BAALC: variants seen among roughly 807,000 people sequenced by gnomAD.
BAALC encodes the protein brain and acute leukemia cytoplasmic protein.
BAALC carries 9 observed loss-of-function variants against 15.5 expected under a neutral mutation model. The observed-to-expected ratio is 0.58, with a 90% CI of 0.35 to 1.02. The LOEUF is 1.02. BAALC is among the 50% of genes least tolerant of loss of function. The pLI, the probability that BAALC is intolerant of heterozygous loss-of-function variation, is 0.02. For missense variants in BAALC, 201 were observed against 192.4 expected (o/e 1.04, Z -0.27); for synonymous variants, 80 against 74.6 (o/e 1.07, Z -0.37).
chr8:103,225,375 G>T (rs1812782289), intron 2 of BAALC, among the ~76,000 whole-genome samples: 1 of 152,306 alleles, frequency 6.6e-6, no homozygotes, highest in Non-Finnish European at 1.5e-5. Flanking sequence ...ATCCTTAAAT[G>T]TTCCTCAAAT....
chr8:103,209,043 A>G lies in BAALC; in HGVS notation c.161-3876A>G, dbSNP rs1208142098. Among the ~76,000 whole-genome samples, 3 of 151,908 alleles carry G rather than the reference A, an allele frequency of 2.0e-5. No homozygotes were observed. In the South Asian group the frequency reaches 6.2e-4, roughly 32 times the overall value. Reference sequence around the variant, plus strand: ...AGTAGGGGCCTCTCACAGACCTTTGACCCGGGTACCAAGTCATGACGCACA... The same window carrying G: ...AGTAGGGGCCTCTCACAGACCTTTGGCCCGGGTACCAAGTCATGACGCACA... On this transcript the variant is annotated intron_variant, in intron 1 of 2. Transcript: ENST00000309982.
intron 1 of BAALC, among the ~76,000 whole-genome samples, chr8:103,175,108 C>T (rs3104019): frequency 6.6e-6 from 1 of 152,182 alleles, no homozygotes; most frequent in Non-Finnish European, 1.5e-5. Flanking sequence ...CCTCCCTGCC[C>T]TAAACAGTTG....
chr8:103,161,929 G>A lies in BAALC; in HGVS notation c.160+20872G>A, dbSNP rs77333169. On this transcript the variant is annotated intron_variant, in intron 1 of 2. Coordinates refer to ENST00000309982, the MANE Select transcript of BAALC (RefSeq NM_024812.3). ...GCCATTTCTGCCCTATATACAATCT[G>A]TTCACATCTCTGGGCCTGTTCTTTG... Among the ~76,000 whole-genome samples the A allele has an allele frequency of 7.8e-3, 1,172 of 150,326 alleles. 22 individuals carry two copies. The highest frequency in any genetic ancestry group is 0.028 in the African/African-American group (1,129 of 40,820).
chr8:103,180,248 A>G lies in BAALC; in HGVS notation c.161-32671A>G, dbSNP rs151219896. Among the ~76,000 whole-genome samples the G allele has an allele frequency of 4.9e-3, 747 of 152,356 alleles. 6 individuals carry two copies. The highest frequency in any genetic ancestry group is 0.017 in the African/African-American group (708 of 41,576). On this transcript the variant is annotated intron_variant, in intron 1 of 2. Transcript: ENST00000309982. ...CCAGGAAGAAGAGAACAACTGGGTA[A>G]AATCACAGCAGTGTTGAGAGCATGG...
chr8:103,222,914 T>C (rs1259618473), intron 2 of BAALC, among the ~76,000 whole-genome samples: 1 of 152,234 alleles, frequency 6.6e-6, no homozygotes, highest in Admixed American at 6.5e-5. Flanking sequence ...ATCATCTTTT[T>C]ACAAATAAAA....
At chr8:103,198,088 T>TGGAACAGTACCCTAAG in intron 1 of BAALC, 1 of 699,854 alleles carries the variant, frequency 1.4e-6, no homozygotes, top group Non-Finnish European at 2.6e-6. Flanking sequence ...TCCATCTACA[T>TGGAACAGTACCCTAAG]GTACTGTTAG....
intron 1 of BAALC, among the ~76,000 whole-genome samples, chr8:103,175,934 G>T (rs976837002): frequency 6.6e-6 from 1 of 152,160 alleles, no homozygotes; most frequent in Non-Finnish European, 1.5e-5. Flanking sequence ...CATTTTGTAG[G>T]TGAAGAAATT....
chr8:103,141,019 C>T lies in BAALC; in HGVS notation c.122C>T (p.Ala41Val), dbSNP rs747981977. 6.6e-6 allele frequency: 10 copies of T among 1,519,734 alleles called. No individual in the cohort carries two copies. The highest frequency in any genetic ancestry group is 1.8e-6 in the Non-Finnish European group (2 of 1,134,126). The allele number at this position is 1,519,734 out of a possible 1,614,324, so 94.1% of individuals were successfully genotyped here. A position where few individuals can be genotyped will look rare whatever the true frequency, so the allele number is the denominator to read the frequency against. The change falls in exon 1 of 3, where the codon GCC becomes GTC. Residue 41 changes from alanine (A) to valine (V), a missense_variant. By Grantham distance (64) the Ala-to-Val change is moderately conservative (BLOSUM62 0). Transcript: ENST00000309982. ...TDSDAPPSAA[A>V]PDSGPEAGGL... ...TCGGACGCGCCGCCCAGCGCCGCCG[C>T]CCCGGACAGCGGCCCCGAAGCGGGC...
chr8:103,213,405 C>T (rs1812495095), intron 2 of BAALC: 3 of 198,154 alleles, frequency 1.5e-5, no homozygotes, highest in Non-Finnish European at 1.0e-5. Context: ...GGCCAGGCAG[C>T]TGGCCAGTCT....
At chr8:103,201,029 G>A (rs145530418) in intron 1 of BAALC, among the ~76,000 whole-genome samples, 1,525 of 152,154 alleles carry the variant, frequency 0.01, 93 homozygotes, top group Admixed American at 0.09. Flanking sequence ...GCATCCTATC[G>A]TACTAGGTAC....
chr8:103,212,798 TG>T, intron 1 of BAALC, 120 bp from the exon 2 acceptor site: 1 of 1,013,302 alleles, frequency 9.9e-7, no homozygotes, highest in Non-Finnish European at 1.4e-6. Context: ...CTCTGCATGG[TG>T]GGATTTCTGG....
At chr8:103,225,614 A>G (rs540988210) in intron 2 of BAALC, among the ~76,000 whole-genome samples, 1 of 152,284 alleles carries the variant, frequency 6.6e-6, no homozygotes, top group African/African-American at 2.4e-5. Flanking sequence ...CAGATCCCAC[A>G]AGGAGACCTG....
chr8:103,184,862 G>A (rs963157861), intron 1 of BAALC, among the ~76,000 whole-genome samples: 2 of 152,178 alleles, frequency 1.3e-5, no homozygotes, highest in African/African-American at 2.4e-5. Context: ...GGACTAAACC[G>A]CAGAGAGCTG....
intron 2 of BAALC, among the ~76,000 whole-genome samples, chr8:103,218,779 T>C (rs1433661775): frequency 1.3e-5 from 2 of 152,012 alleles, no homozygotes; most frequent in Non-Finnish European, 2.9e-5. Context: ...GCTAAGGAGT[T>C]TTCTCCCGCT....
intron 1 of BAALC, among the ~76,000 whole-genome samples, chr8:103,158,373 C>T (rs993681177): frequency 6.6e-6 from 1 of 152,186 alleles, no homozygotes; most frequent in Admixed American, 6.5e-5. Flanking sequence ...AGTTCCAATA[C>T]TTCCAGGGGA....
intron 1 of BAALC, among the ~76,000 whole-genome samples, chr8:103,183,150 G>A (rs890019854): frequency 1.3e-5 from 2 of 152,188 alleles, no homozygotes; most frequent in East Asian, 1.9e-4. Context: ...CTGGGGAGCT[G>A]GGAGAGCCAG....
intron 1 of BAALC, among the ~76,000 whole-genome samples, chr8:103,157,659 T>C (rs572877866): frequency 1.3e-5 from 2 of 152,196 alleles, no homozygotes; most frequent in African/African-American, 4.8e-5. Flanking sequence ...AAATTATTTT[T>C]AAAAAATTAG....
intron 1 of BAALC, among the ~76,000 whole-genome samples, chr8:103,171,159 G>A (rs1811475335): frequency 6.7e-6 from 1 of 150,134 alleles, no homozygotes; most frequent in Admixed American, 6.7e-5. Context: ...GAGAAGGGAA[G>A]GGAGAAAGAA....
intron 1 of BAALC, among the ~76,000 whole-genome samples, chr8:103,184,662 C>T (rs1811794046): frequency 6.6e-6 from 1 of 152,186 alleles, no homozygotes; most frequent in Admixed American, 6.5e-5. Flanking sequence ...TCAGAATGTG[C>T]ATGAGCACAT....
Sources: gnomAD v4.1 joint callset for allele counts (sites outside exome capture counted in the v4.1 genomes callset) on GRCh38, gnomAD v4.1.1 for gene constraint, MANE v1.5 for transcripts, NCBI Gene and HGNC (gene_info 2026-07-23, HGNC 2026-07-21) for gene names.